Variants in MAX observed in about 807,000 individuals in gnomAD.
MAX encodes the protein protein max.
In MAX, 3 loss-of-function variants were observed where a neutral mutation model predicts 22.3. The ratio of observed to expected loss-of-function variants is 0.13; its 90% CI spans 0.06 to 0.35. MAX has a LOEUF of 0.35. Ranked by LOEUF, MAX falls within the 10% of genes least tolerant of loss-of-function variation. MAX has a pLI of 1.00. For missense variants in MAX, 119 were observed against 209.4 expected, an observed-to-expected ratio of 0.57 and a Z score of 2.66; for synonymous variants, 72 against 77.7, an observed-to-expected ratio of 0.93 and a Z score of 0.39.
Position 65,086,548 on chromosome 14 carries a change from T to C in MAX, c.171+7160A>G, listed in dbSNP as rs147842852. ...CTCCTGTTACGTTTCAGCAAAGAGA[T>C]TGGCAGCATTTTGCCCCTACGCTAG... On this transcript the variant is annotated intron_variant, in intron 3 of 4. Coordinates refer to ENST00000358664, the MANE Select transcript of MAX (RefSeq NM_002382.5). 8.5e-4 allele frequency among the ~76,000 whole-genome samples: 129 copies of C among 152,290 alleles called. 1 individual carries two copies. Among genetic ancestry groups the C allele is most frequent in the African/African-American group, 2.7e-3 (112 of 41,556 alleles).
chr14:65,015,170 T>C (rs1322637927), intron 3 of MAX, among the ~76,000 whole-genome samples: 1 of 151,700 alleles, frequency 6.6e-6, no homozygotes, highest in African/African-American at 2.4e-5. Flanking sequence ...TGGTGCCATC[T>C]CGGCTCACTG....
At position 65,044,115 on chromosome 14, in the gene MAX, T is replaced by C. The variant is rs558165897; in HGVS notation, c.172-37831A>G. 2.4e-3 allele frequency among the ~76,000 whole-genome samples: 367 copies of C among 152,248 alleles called. 1 individual carries two copies. Among genetic ancestry groups the C allele is most frequent in the African/African-American group, 8.3e-3 (344 of 41,528 alleles). The stretch of plus-strand genomic sequence containing the variant: ...ATCAGTGCTGGATGCCTCTACAGCG[T>C]TGGCTTAAATGCTTCACTCTGTGTC... On this transcript the variant is annotated intron_variant, in intron 3 of 3. Transcript: ENST00000341653. The surrounding 1 kb of genome is among the most constrained non-coding windows in gnomAD (Gnocchi z 5.5).
downstream of MAX, among the ~76,000 whole-genome samples, chr14:65,071,146 AT>A (rs796434858): frequency 0.012 from 1,714 of 140,256 alleles, 11 homozygotes; most frequent in South Asian, 0.017. This position sits in a 1 kb window ranked among gnomAD's most constrained non-coding sequence, Gnocchi z 4.2. Context: ...TTCACTCCAC[AT>A]TTTTTTTTTT....
Position 65,087,241 on chromosome 14 carries a change from G to A in MAX, c.171+6467C>T, listed in dbSNP as rs551578819. ...TGCTACGGCAGTGCAGACAGGAAAT[G>A]TGGGGTCAGAGCCCCCACACAGTCT... On this transcript the variant is annotated intron_variant, in intron 3 of 4. Transcript: ENST00000358664. Among the ~76,000 whole-genome samples, 3 of 152,354 alleles carry A rather than the reference G, an allele frequency of 2.0e-5. No homozygotes were observed. The South Asian group carries it at 6.2e-4, about 32-fold the overall frequency.
intron 3 of MAX, chr14:65,083,664 G>A: frequency 3.2e-6 from 3 of 940,856 alleles, no homozygotes; most frequent in Non-Finnish European, 3.9e-6. Context: ...GATGCCAGTG[G>A]GCTGATGTTA....
chr14:65,081,091 T>C (rs1290885005), intron 3 of MAX, among the ~76,000 whole-genome samples: 1 of 152,168 alleles, frequency 6.6e-6, no homozygotes, highest in African/African-American at 2.4e-5. Flanking sequence ...CAAAGAAGGC[T>C]GGATTGGTTT....
At position 65,028,868 on chromosome 14, in the gene MAX, A is replaced by G. The variant is rs1260682143; in HGVS notation, c.172-22584T>C. Among the ~76,000 whole-genome samples the G allele has an allele frequency of 6.6e-6, 1 of 152,212 alleles. No individual in the cohort carries two copies. Among genetic ancestry groups the G allele is most frequent in the African/African-American group, 2.4e-5 (1 of 41,468 alleles). The stretch of plus-strand genomic sequence containing the variant: ...GTTCCTGTTCTGTTGCTATTCCCCC[A>G]AAATATGCACAGTCTTGAAACGCAG... On this transcript the variant is annotated intron_variant, in intron 3 of 3. Coordinates refer to the MAX transcript ENST00000341653. This position sits in a 1 kb window ranked among gnomAD's most constrained non-coding sequence, Gnocchi z 4.4.
In MAX at chr14:65,082,201, C is replaced by T. The variant is rs1471241042; in HGVS notation, c.172-4165G>A. 1 of 152,100 alleles carries T rather than the reference C, an allele frequency of 6.6e-6. No individual in the cohort carries two copies. Among genetic ancestry groups the T allele is most frequent in the Non-Finnish European group, 1.5e-5 (1 of 68,020 alleles). The allele number at this position is 152,100 out of a possible 1,614,324, so 9.4% of individuals were successfully genotyped here. A position where few individuals can be genotyped will look rare whatever the true frequency, so the allele number is the denominator to read the frequency against. On this transcript the variant is annotated intron_variant, in intron 3 of 4. Coordinates refer to ENST00000358664, the MANE Select transcript of MAX (RefSeq NM_002382.5). This position sits in a 1 kb window ranked among gnomAD's most constrained non-coding sequence, Gnocchi z 4.8. ...CCAGGACACTCATACTTTGGGAACA[C>T]AGGGGAAGCTATGGAACTAATTTAA... is the stretch of plus-strand genomic sequence containing the variant.
intron 3 of MAX, among the ~76,000 whole-genome samples, chr14:65,068,422 G>A (rs1298818966): frequency 6.6e-6 from 1 of 152,244 alleles, no homozygotes; most frequent in Non-Finnish European, 1.5e-5. Context: ...GCGACAGCGT[G>A]AGACTCTGTC....
At chr14:65,067,528 T>A (rs2062942480) in intron 3 of MAX, among the ~76,000 whole-genome samples, 1 of 152,194 alleles carries the variant, frequency 6.6e-6, no homozygotes, top group African/African-American at 2.4e-5. Context: ...TTGTTTTTGA[T>A]GACTTTGACA....
chr14:65,050,958 A>G (rs2062593222), intron 3 of MAX, among the ~76,000 whole-genome samples: 1 of 152,258 alleles, frequency 6.6e-6, no homozygotes, highest in African/African-American at 2.4e-5. Context: ...AAAAGAAGAT[A>G]GAGTGAAGTC....
chr14:65,027,689 G>A lies in MAX; in HGVS notation c.172-21405C>T. ...TGTTGCCTCTCCTACCTCTTTCCCT[G>A]TTTCTCAGAGAGAAGCTTCTTCAGT... On this transcript the variant is annotated intron_variant, in intron 3 of 3. Coordinates refer to the MAX transcript ENST00000341653. The surrounding 1 kb of genome is among the most constrained non-coding windows in gnomAD (Gnocchi z 5.7). 2 of 1,614,194 alleles carry A rather than the reference G, an allele frequency of 1.2e-6. No homozygotes were observed. Among genetic ancestry groups the A allele is most frequent in the Non-Finnish European group, 1.7e-6 (2 of 1,180,028 alleles).
In MAX at chr14:65,048,560, G is replaced by A. The variant is rs374043578; in HGVS notation, c.172-42276C>T. 2.0e-3 allele frequency among the ~76,000 whole-genome samples: 302 copies of A among 152,250 alleles called. 2 individuals are homozygous for A. Among genetic ancestry groups the A allele is most frequent in the African/African-American group, 7.0e-3 (289 of 41,546 alleles). On this transcript the variant is annotated intron_variant, in intron 3 of 3. Transcript: ENST00000341653. Reference sequence around the variant, plus strand: ...TGAGTAGAAGAAGGAATTACTATTAGTACCTTAAAATGCTGGACATGGTGG... The same window carrying A: ...TGAGTAGAAGAAGGAATTACTATTAATACCTTAAAATGCTGGACATGGTGG...
intron 3 of MAX, among the ~76,000 whole-genome samples, chr14:65,049,125 TAA>T (rs59771962): frequency 0.025 from 3,430 of 139,636 alleles, 63 homozygotes; most frequent in African/African-American, 0.054. Flanking sequence ...GGACTCCGTC[TAA>T]AAAAAAAAAA....
chr14:65,067,185 A>T (rs1258299537), intron 3 of MAX, among the ~76,000 whole-genome samples: 1 of 100,292 alleles, frequency 1.0e-5, no homozygotes, highest in Non-Finnish European at 1.8e-5. Flanking sequence ...ACCCTGTCTT[A>T]AAAAAAAAAA....
At chr14:65,101,463 AG>A (rs2063830222) in intron 2 of MAX, 82 bp downstream of exon 2, 1 of 1,209,970 alleles carries the variant, frequency 8.3e-7, no homozygotes, top group African/African-American at 1.5e-5. Flanking sequence ...TAAAAGTAAT[AG>A]TACGATCTCT....
chr14:65,064,369 A>G (rs1431720029), intron 3 of MAX, among the ~76,000 whole-genome samples: 1 of 152,214 alleles, frequency 6.6e-6, no homozygotes, highest in Non-Finnish European at 1.5e-5. Flanking sequence ...TTTTGAAGCA[A>G]AAGAGGCAAT....
rs2062969169 is a variant in MAX, at chr14:65,070,022, A to G, written c.171+23686T>C. On this transcript the variant is annotated intron_variant, in intron 3 of 3. Coordinates refer to the MAX transcript ENST00000341653. The surrounding 1 kb of genome is among the most constrained non-coding windows in gnomAD (Gnocchi z 4.4). ...CCAGAGCTGTTGATGGCACCAGCAG[A>G]CAGGAAACAATGAAGCTCTCAAGCA... 6.6e-6 allele frequency among the ~76,000 whole-genome samples: 1 copy of G among 152,226 alleles called. No homozygotes were observed.
At position 65,032,734 on chromosome 14, in the gene MAX, G is replaced by A. The variant is rs2062110509; in HGVS notation, c.172-26450C>T. 4 of 1,594,540 alleles carry A rather than the reference G, an allele frequency of 2.5e-6. No homozygotes were observed. The East Asian group carries it at 9.0e-5, about 36-fold the overall frequency. On this transcript the variant is annotated intron_variant, in intron 3 of 3. Coordinates refer to the MAX transcript ENST00000341653. The surrounding 1 kb of genome is among the most constrained non-coding windows in gnomAD (Gnocchi z 5.0). ...AGGGTTTCTCCTGGCCTCTTGGAGA[G>A]CAGGCGGTCACGACACTACTTCAGA...
Sources: gnomAD v4.1 joint callset for allele counts (sites outside exome capture counted in the v4.1 genomes callset) on GRCh38, gnomAD v4.1.1 for gene constraint, Gnocchi (gnomAD v3.1) non-coding constraint, MANE v1.5 for transcripts, NCBI Gene and HGNC (gene_info 2026-07-23, HGNC 2026-07-21) for gene names.